The following DMD variants were observed in gnomAD, a reference collection of about 807,000 sequenced individuals.
DMD encodes dystrophin.
DMD carries 63 observed loss-of-function variants against 330.1 expected under a neutral mutation model. The observed-to-expected ratio is 0.19, with a 90% CI of 0.16 to 0.24. The LOEUF (loss-of-function observed/expected upper bound fraction) is 0.24. Ranked by LOEUF, DMD falls within the 10% of genes least tolerant of loss-of-function variation. DMD has a pLI of 1.00. For synonymous variants in DMD, 1,223 were observed against 959.8 expected (o/e 1.27, Z -5.07); for missense variants, 3,344 against 2,684.1 (o/e 1.25, Z -5.43).
chrX:31,287,490 C>G (rs2053315860), intron 62 of DMD, among the ~76,000 whole-genome samples: 2 of 112,480 alleles, frequency 1.8e-5, no homozygotes, highest in Non-Finnish European at 3.8e-5. Flanking sequence ...CAAACCTGCA[C>G]TTGGAACAAC....
chrX:32,577,343 C>A (rs1357410566), intron 13 of DMD, among the ~76,000 whole-genome samples: 3 of 111,977 alleles, frequency 2.7e-5, no homozygotes, highest in Non-Finnish European at 5.6e-5. Flanking sequence ...ATTGTTTAAG[C>A]CACCAGTCCA....
At chrX:32,560,515 G>T (rs1381731652) in intron 16 of DMD, among the ~76,000 whole-genome samples, 1 of 110,217 alleles carries the variant, frequency 9.1e-6, no homozygotes, top group African/African-American at 3.3e-5. Flanking sequence ...GTGTGCCACG[G>T]TGGTATGGTG....
intron 44 of DMD, among the ~76,000 whole-genome samples, chrX:32,147,397 G>A (rs915290562): frequency 7.2e-5 from 8 of 111,514 alleles, no homozygotes; most frequent in Non-Finnish European, 1.3e-4. Flanking sequence ...TATGTCATTG[G>A]CAGCAAAAAA....
chrX:31,802,491 G>T (rs1260283849), intron 50 of DMD, among the ~76,000 whole-genome samples: 3 of 111,425 alleles, frequency 2.7e-5, no homozygotes, highest in African/African-American at 9.8e-5. Context: ...AGATTGTACA[G>T]GGGTATGCAG....
At chrX:32,459,719 C>T (rs993751356) in intron 25 of DMD, among the ~76,000 whole-genome samples, 2 of 111,135 alleles carry the variant, frequency 1.8e-5, no homozygotes, top group Non-Finnish European at 3.8e-5. Flanking sequence ...CCTCATTCTT[C>T]CTCTAGACTA....
At chrX:33,318,250 A>G (rs2053961443) in intron 1 of DMD, among the ~76,000 whole-genome samples, 1 of 110,640 alleles carries the variant, frequency 9.0e-6, no homozygotes, top group African/African-American at 3.3e-5. Flanking sequence ...AGATATATAT[A>G]TGATTTGATG....
intron 44 of DMD, among the ~76,000 whole-genome samples, chrX:32,085,985 A>G (rs2096436417): frequency 8.9e-6 from 1 of 112,065 alleles, no homozygotes; most frequent in Non-Finnish European, 1.9e-5. Flanking sequence ...TATTTACCCT[A>G]TGGAATATTA....
intron 7 of DMD, among the ~76,000 whole-genome samples, chrX:32,707,052 A>G (rs2064738074): frequency 9.0e-6 from 1 of 110,721 alleles, no homozygotes; most frequent in South Asian, 4.0e-4. Context: ...AGATCACGCC[A>G]CTGTACTCCA....
intron 41 of DMD, among the ~76,000 whole-genome samples, chrX:32,337,572 T>C (rs1171161729): frequency 2.7e-5 from 3 of 110,327 alleles, no homozygotes; most frequent in Non-Finnish European, 5.7e-5. Context: ...ATTTCAGAGG[T>C]TTAGCACTTT....
intron 44 of DMD, among the ~76,000 whole-genome samples, chrX:32,196,218 C>T (rs1019172124): frequency 1.6e-4 from 18 of 112,276 alleles, no homozygotes; most frequent in African/African-American, 5.5e-4. Flanking sequence ...TGCTGTCTTT[C>T]ACTTCAGTAA....
intron 44 of DMD, among the ~76,000 whole-genome samples, chrX:32,126,681 G>A (rs1303278417): frequency 8.9e-6 from 1 of 111,807 alleles, no homozygotes; most frequent in African/African-American, 3.3e-5. Flanking sequence ...AAAACACAGA[G>A]CGTTCTCTGC....
At chrX:32,122,332 T>C (rs1365598395) in intron 44 of DMD, among the ~76,000 whole-genome samples, 3 of 111,857 alleles carry the variant, frequency 2.7e-5, no homozygotes, top group Non-Finnish European at 5.6e-5. Flanking sequence ...AAGGCTAACC[T>C]AGCAATCTGT....
intron 41 of DMD, among the ~76,000 whole-genome samples, chrX:32,313,004 G>C (rs139628237): frequency 3.2e-5 from 3 of 93,510 alleles, no homozygotes; most frequent in African/African-American, 3.9e-5. Flanking sequence ...TTCTACCAGA[G>C]ATACAAAGAG....
At chrX:31,310,193 CTCTCTCTCTCTCCAT>C (rs1234364258) in intron 62 of DMD, among the ~76,000 whole-genome samples, 2,294 of 76,005 alleles carry the variant, frequency 0.03, 69 homozygotes, top group African/African-American at 0.14. Context: ...CTCTCTCTCT[CTCTCTCTCTCTCCAT>C]ATATATATAT....
At chrX:32,486,844 A>C (rs1428467700) in intron 20 of DMD, among the ~76,000 whole-genome samples, 1 of 106,338 alleles carries the variant, frequency 9.4e-6, no homozygotes, top group African/African-American at 3.4e-5. Flanking sequence ...TTATACAAAA[A>C]TCAATTCAAG....
At chrX:31,782,380 A>G (rs1286389639) in intron 50 of DMD, among the ~76,000 whole-genome samples, 1 of 111,107 alleles carries the variant, frequency 9.0e-6, no homozygotes, top group African/African-American at 3.3e-5. Context: ...TTCCACCGCT[A>G]TGGAACTATG....
At position 32,035,472 on chromosome X, in the gene DMD, T is replaced by C. The variant is rs781076536; in HGVS notation, c.6439-66958A>G. On this transcript the variant is annotated intron_variant, in intron 44 of 78. Coordinates refer to ENST00000357033, the MANE Select transcript of DMD (RefSeq NM_004006.3). ...GTGTTAGATATGGTGCTAGGTCCTA[T>C]ATGTGGATGTGTGATATGACTGATC... 7 of 246,015 alleles carry C rather than the reference T, an allele frequency of 2.8e-5. No homozygotes were observed. The East Asian group carries it at 5.1e-4, about 18-fold the overall frequency. The allele number at this position is 246,015 out of a possible 1,213,427, so 20.3% of individuals were successfully genotyped here. A position where few individuals can be genotyped will look rare whatever the true frequency, so the allele number is the denominator to read the frequency against.
chrX:32,213,909 G>T (rs914518206), intron 44 of DMD, among the ~76,000 whole-genome samples: 8 of 110,301 alleles, frequency 7.3e-5, no homozygotes, highest in Non-Finnish European at 1.3e-4. Flanking sequence ...TGGAGGCAGA[G>T]GTTGCAGTGA....
intron 2 of DMD, among the ~76,000 whole-genome samples, chrX:33,010,481 A>C (rs928276218): frequency 2.7e-5 from 3 of 110,301 alleles, no homozygotes; most frequent in Non-Finnish European, 5.7e-5. Context: ...GACATGACAC[A>C]CAAAGGAAAT....
Sources: allele counts gnomAD v4.1 joint callset (sites outside exome capture counted in the v4.1 genomes callset), GRCh38; gene constraint gnomAD v4.1.1; transcripts MANE v1.5; gene names NCBI Gene and HGNC (gene_info 2026-07-23, HGNC 2026-07-21).